SUCLG2: variants seen among roughly 807,000 people sequenced by gnomAD.
The protein encoded by SUCLG2 is succinate--CoA ligase [GDP-forming] subunit beta, mitochondrial.
SUCLG2 carries 42 observed loss-of-function variants against 47.9 expected under a neutral mutation model. The observed-to-expected ratio is 0.88, with a 90% CI of 0.69 to 1.14. SUCLG2 has a LOEUF of 1.14. Among genes scored for constraint, SUCLG2 ranks in the 50% most tolerant of loss-of-function variants. The pLI is 0.00. For synonymous variants in SUCLG2, 195 were observed against 197.3 expected, an observed-to-expected ratio of 0.99 and a Z score of 0.10; for missense variants, 571 against 525.9, an observed-to-expected ratio of 1.09 and a Z score of -0.84.
intron 1 of SUCLG2, among the ~76,000 whole-genome samples, chr3:67,628,473 C>T (rs1033728585): frequency 6.6e-6 from 1 of 152,160 alleles, no homozygotes; most frequent in African/African-American, 2.4e-5. Flanking sequence ...AAACTTCCAT[C>T]GAAGAGAAGG....
chr3:67,511,765 T>C (rs1559553189), intron 6 of SUCLG2, among the ~76,000 whole-genome samples: 1 of 145,014 alleles, frequency 6.9e-6, no homozygotes, highest in Non-Finnish European at 1.5e-5. Context: ...GACATCTTAT[T>C]TTTTTTGTGT....
chr3:67,631,785 G>C (rs1185928891), intron 1 of SUCLG2, among the ~76,000 whole-genome samples: 2 of 152,102 alleles, frequency 1.3e-5, no homozygotes, highest in Non-Finnish European at 2.9e-5. Flanking sequence ...GGTCTCAAAG[G>C]CACAAACCAT....
In SUCLG2 at chr3:67,654,609, G is replaced by A; in HGVS notation, c.-23C>T. The A allele has an allele frequency of 7.9e-7, 1 of 1,261,544 alleles. No homozygotes were observed. The highest frequency in any genetic ancestry group is 1.0e-6 in the Non-Finnish European group (1 of 1,001,628). The allele number at this position is 1,261,544 out of a possible 1,614,324, so 78.1% of individuals were successfully genotyped here. On this transcript the variant is annotated 5_prime_UTR_variant, in exon 1 of 11. Coordinates refer to ENST00000307227, the MANE Select transcript of SUCLG2 (RefSeq NM_003848.4). ...CATCTTAAACAGGAAACTCGGCACG[G>A]GGCAGTAGGGCGGGCGCGGGCAGGG...
intron 9 of SUCLG2, among the ~76,000 whole-genome samples, chr3:67,423,886 T>A (rs750872273): frequency 1.3e-5 from 2 of 152,228 alleles, no homozygotes; most frequent in Non-Finnish European, 2.9e-5. Flanking sequence ...TGCATTTCTG[T>A]TGTTTAGGTC....
At chr3:67,387,554 C>G (rs1443022669) in intron 10 of SUCLG2, among the ~76,000 whole-genome samples, 1 of 152,166 alleles carries the variant, frequency 6.6e-6, no homozygotes, top group Non-Finnish European at 1.5e-5. Context: ...TCGAGAAAAG[C>G]TAGTTACCCT....
intron 1 of SUCLG2, among the ~76,000 whole-genome samples, chr3:67,635,028 T>G (rs1700985272): frequency 6.6e-6 from 1 of 152,234 alleles, no homozygotes; most frequent in Non-Finnish European, 1.5e-5. Flanking sequence ...TTAGGGCATC[T>G]GTCACGTAAG....
At chr3:67,538,309 C>A (rs372149912) in intron 2 of SUCLG2, among the ~76,000 whole-genome samples, 3 of 152,314 alleles carry the variant, frequency 2.0e-5, no homozygotes, top group South Asian at 2.1e-4. Flanking sequence ...TTTCCCAACA[C>A]CCTTTAGGAA....
intron 9 of SUCLG2, among the ~76,000 whole-genome samples, chr3:67,407,869 C>G (rs750795855): frequency 2.6e-5 from 4 of 151,908 alleles, no homozygotes; most frequent in Admixed American, 6.6e-5. Context: ...TTTTTATTTT[C>G]CTGATGAATT....
At chr3:67,495,667 A>AT in intron 9 of SUCLG2, 131 bp downstream of exon 9, 89 of 1,061,938 alleles carry the variant, frequency 8.4e-5, no homozygotes, top group Non-Finnish European at 1.1e-4. Flanking sequence ...AAAAAAAAAA[A>AT]GATAGAAGTT....
At chr3:67,620,652 C>G (rs900242339) in intron 1 of SUCLG2, among the ~76,000 whole-genome samples, 1 of 150,774 alleles carries the variant, frequency 6.6e-6, no homozygotes, top group African/African-American at 2.4e-5. Context: ...GCTGTGCAGG[C>G]CAATTTTAGA....
At chr3:67,544,197 C>A (rs137988331) in intron 2 of SUCLG2, among the ~76,000 whole-genome samples, 18 of 152,086 alleles carry the variant, frequency 1.2e-4, no homozygotes, top group African/African-American at 4.1e-4. Flanking sequence ...CATTAAGAAG[C>A]AAATTAGGAA....
At chr3:67,631,711 C>T (rs917431284) in intron 1 of SUCLG2, among the ~76,000 whole-genome samples, 3 of 152,214 alleles carry the variant, frequency 2.0e-5, no homozygotes, top group Non-Finnish European at 4.4e-5. Context: ...CATAACACCT[C>T]TCAATGTGTA....
At chr3:67,374,344 A>G (rs1013633238), downstream of SUCLG2, among the ~76,000 whole-genome samples, 1 of 152,238 alleles carries the variant, frequency 6.6e-6, no homozygotes, top group Non-Finnish European at 1.5e-5. Context: ...TAAAAAAAAC[A>G]AACAAAATAG....
At chr3:67,438,403 A>G (rs1054119988) in intron 9 of SUCLG2, among the ~76,000 whole-genome samples, 2 of 152,168 alleles carry the variant, frequency 1.3e-5, no homozygotes, top group African/African-American at 4.8e-5. Context: ...AAGGAGATAA[A>G]GACATGAAAA....
chr3:67,431,188 G>A (rs997044014), intron 9 of SUCLG2, among the ~76,000 whole-genome samples: 10 of 151,946 alleles, frequency 6.6e-5, no homozygotes, highest in South Asian at 2.1e-4. Flanking sequence ...GATGAACATC[G>A]AGGCAAAAAT....
chr3:67,443,916 G>A (rs1377305231), intron 9 of SUCLG2, among the ~76,000 whole-genome samples: 74 of 85,210 alleles, frequency 8.7e-4, no homozygotes, highest in Middle Eastern at 6.4e-3. Context: ...TCTGGGAAGT[G>A]AGGAGCGTCT....
At chr3:67,510,558 C>G (rs1289986659) in intron 6 of SUCLG2, among the ~76,000 whole-genome samples, 1 of 152,172 alleles carries the variant, frequency 6.6e-6, no homozygotes, top group East Asian at 1.9e-4. Context: ...CGCATTCCTC[C>G]TTCATCTGTC....
intron 9 of SUCLG2, among the ~76,000 whole-genome samples, chr3:67,484,816 G>A (rs1232471037): frequency 2.0e-5 from 3 of 152,228 alleles, no homozygotes; most frequent in Non-Finnish European, 2.9e-5. Flanking sequence ...TTAAAAAGAC[G>A]CTTAATTTAG....
At chr3:67,386,008 G>C (rs556242117) in intron 10 of SUCLG2, among the ~76,000 whole-genome samples, 1 of 152,112 alleles carries the variant, frequency 6.6e-6, no homozygotes, top group South Asian at 2.1e-4. Context: ...GAGGGACCAA[G>C]AAAAAACACA....
Sources: allele counts gnomAD v4.1 joint callset (sites outside exome capture counted in the v4.1 genomes callset), GRCh38; gene constraint gnomAD v4.1.1; transcripts MANE v1.5; gene names NCBI Gene and HGNC (gene_info 2026-07-23, HGNC 2026-07-21).